The following LCLAT1 variants were observed in gnomAD, a reference collection of about 807,000 sequenced individuals.
LCLAT1 encodes the protein 1-AGP acyltransferase 8.
A neutral mutation model predicts 30.7 loss-of-function variants in LCLAT1; 11 were observed. The observed-to-expected ratio is 0.36, with a 90% confidence interval of 0.23 to 0.59. LCLAT1 has a LOEUF of 0.59. Among genes scored for constraint, LCLAT1 ranks in the 20% least tolerant of loss-of-function variants. LCLAT1 has a pLI of 0.77. For missense variants in LCLAT1, 402 were observed against 458.6 expected (o/e 0.88, Z 1.13); for synonymous variants, 155 against 151.3 (o/e 1.02, Z -0.18).
intron 4 of LCLAT1, among the ~76,000 whole-genome samples, chr2:30,562,628 C>T (rs1176504467): frequency 1.3e-5 from 2 of 152,184 alleles, no homozygotes; most frequent in Non-Finnish European, 2.9e-5. Flanking sequence ...TAGTAGGCAA[C>T]TCCAAGCGGT....
chr2:30,458,671 G>A (rs183547211), intron 1 of LCLAT1, among the ~76,000 whole-genome samples: 1 of 152,246 alleles, frequency 6.6e-6, no homozygotes, highest in African/African-American at 2.4e-5. Flanking sequence ...AATATACCTG[G>A]TGAACTGGTT....
At chr2:30,526,290 G>GCT (rs1463664041) in intron 2 of LCLAT1, among the ~76,000 whole-genome samples, 1 of 151,904 alleles carries the variant, frequency 6.6e-6, no homozygotes, top group Non-Finnish European at 1.5e-5. Context: ...TGTCACAAAG[G>GCT]CTCTCTTCCT....
intron 5 of LCLAT1, among the ~76,000 whole-genome samples, chr2:30,599,494 C>G (rs935945934): frequency 2.6e-5 from 4 of 152,172 alleles, no homozygotes; most frequent in African/African-American, 9.7e-5. Context: ...TCCACTTGAT[C>G]TAGAGCTGAA....
chr2:30,640,844 G>C lies in LCLAT1; in HGVS notation c.*225G>C, dbSNP rs1669269251. On this transcript the variant is annotated 3_prime_UTR_variant, in exon 6 of 6. Coordinates refer to ENST00000379509, the MANE Select transcript of LCLAT1 (RefSeq NM_001002257.3). ...GTGTACATAGCAGGGAGTGATCGGG[G>C]TGAAATAACTTGGGCCAGAATATTA... The C allele has an allele frequency of 2.2e-6, 1 of 458,570 alleles. No individual in the cohort carries two copies. The allele number at this position is 458,570 out of a possible 1,614,324, so 28.4% of individuals were successfully genotyped here.
Position 30,569,889 on chromosome 2 carries a change from G to A in LCLAT1, c.628+1713G>A, listed in dbSNP as rs756528596. Among the ~76,000 whole-genome samples the A allele has an allele frequency of 2.6e-5, 4 of 152,190 alleles. 1 individual carries two copies. Among genetic ancestry groups the A allele is most frequent in the African/African-American group, 4.8e-5 (2 of 41,548 alleles). ...GTGATTAGTGAGTGCCCATCTACCC[G>A]TGGAAGTTCATGGAGAATACAGTTC... On this transcript the variant is annotated intron_variant, in intron 5 of 5. Coordinates refer to ENST00000379509, the MANE Select transcript of LCLAT1 (RefSeq NM_001002257.3).
intron 5 of LCLAT1, among the ~76,000 whole-genome samples, chr2:30,597,994 C>T (rs776112329): frequency 7.9e-5 from 12 of 152,160 alleles, no homozygotes; most frequent in Non-Finnish European, 1.6e-4. Context: ...ATGAAGCCAA[C>T]TTGATCATGG....
intron 1 of LCLAT1, among the ~76,000 whole-genome samples, chr2:30,501,708 C>G (rs1331261086): frequency 3.1e-4 from 47 of 152,038 alleles, no homozygotes; most frequent in Non-Finnish European, 1.5e-4. Context: ...CAATATGAAA[C>G]ATGAAGGAAA....
At chr2:30,538,340 CAAAG>C (rs1158821115) in intron 3 of LCLAT1, among the ~76,000 whole-genome samples, 1 of 152,048 alleles carries the variant, frequency 6.6e-6, no homozygotes, top group Admixed American at 6.5e-5. Flanking sequence ...GACTAAGTAA[CAAAG>C]AGAGACGATG....
chr2:30,622,149 G>T (rs1668288437), intron 5 of LCLAT1, among the ~76,000 whole-genome samples: 1 of 152,084 alleles, frequency 6.6e-6, no homozygotes, highest in Non-Finnish European at 1.5e-5. Flanking sequence ...ACTGTTCCCT[G>T]GCGACCTGTG....
intron 5 of LCLAT1, among the ~76,000 whole-genome samples, chr2:30,588,437 A>G (rs1666538496): frequency 6.6e-6 from 1 of 152,156 alleles, no homozygotes; most frequent in Non-Finnish European, 1.5e-5. Flanking sequence ...ATGCACATAC[A>G]TGGGGATGAG....
At chr2:30,631,542 A>G (rs575073493) in intron 5 of LCLAT1, among the ~76,000 whole-genome samples, 5 of 152,232 alleles carry the variant, frequency 3.3e-5, no homozygotes, top group Admixed American at 6.5e-5. Context: ...TATAATTTAT[A>G]TGATGCCCTT....
chr2:30,452,357 C>G (rs2148255155), intron 1 of LCLAT1, among the ~76,000 whole-genome samples: 1 of 151,404 alleles, frequency 6.6e-6, no homozygotes, highest in South Asian at 2.1e-4. Context: ...GTGAGAGGCT[C>G]CAGGAGACAA....
intron 5 of LCLAT1, among the ~76,000 whole-genome samples, chr2:30,576,525 T>G (rs1001374159): frequency 3.3e-5 from 5 of 152,250 alleles, no homozygotes; most frequent in African/African-American, 9.6e-5. Flanking sequence ...ATACTTTACC[T>G]TCCTGTTCAT....
chr2:30,507,556 T>C (rs1684729000), intron 1 of LCLAT1, among the ~76,000 whole-genome samples: 1 of 152,196 alleles, frequency 6.6e-6, no homozygotes, highest in African/African-American at 2.4e-5. Context: ...AGTGAGAGCA[T>C]GTGGTATTTG....
chr2:30,517,805 G>C (rs1205560688), intron 1 of LCLAT1, among the ~76,000 whole-genome samples: 1 of 152,056 alleles, frequency 6.6e-6, no homozygotes, highest in Non-Finnish European at 1.5e-5. Context: ...AAAGAAAAAA[G>C]TGTACCCTAT....
intron 1 of LCLAT1, among the ~76,000 whole-genome samples, chr2:30,479,810 A>T (rs181031111): frequency 1.3e-5 from 2 of 152,348 alleles, no homozygotes; most frequent in Non-Finnish European, 2.9e-5. Flanking sequence ...AAAACGAAAC[A>T]CAAAAAAGAA....
intron 3 of LCLAT1, among the ~76,000 whole-genome samples, chr2:30,537,543 C>G (rs1408506458): frequency 6.6e-6 from 1 of 151,634 alleles, no homozygotes; most frequent in African/African-American, 2.4e-5. Context: ...CACACACACA[C>G]ACGCACGCAC....
At chr2:30,581,768 A>G (rs1044685484) in intron 5 of LCLAT1, among the ~76,000 whole-genome samples, 18 of 152,192 alleles carry the variant, frequency 1.2e-4, no homozygotes, top group African/African-American at 4.3e-4. Context: ...AGTGAAGGGA[A>G]ATAGCCAAAG....
intron 1 of LCLAT1, among the ~76,000 whole-genome samples, chr2:30,506,891 G>GA (rs971149921): frequency 3.9e-5 from 6 of 151,970 alleles, no homozygotes; most frequent in Non-Finnish European, 8.8e-5. Context: ...AACGTTTATG[G>GA]AAAAAAACAA....
Sources: gnomAD v4.1 joint callset for allele counts (sites outside exome capture counted in the v4.1 genomes callset) on GRCh38, gnomAD v4.1.1 for gene constraint, MANE v1.5 for transcripts, NCBI Gene and HGNC (gene_info 2026-07-23, HGNC 2026-07-21) for gene names.